The following ANKRD6 variants were observed in gnomAD, a reference collection of about 807,000 sequenced individuals.
ANKRD6 encodes ankyrin repeat domain 6.
Under a neutral mutation model 82.3 loss-of-function variants are expected in ANKRD6, and 56 were observed. That is an observed-to-expected ratio of 0.68 (90% confidence interval 0.55 to 0.85). ANKRD6 has a LOEUF of 0.85. ANKRD6 is among the 40% of genes least tolerant of loss of function. The probability of loss-of-function intolerance (pLI) is 0.00; values close to 1 mark genes in which losing one functional copy is unlikely to be tolerated. For missense variants in ANKRD6, 852 were observed against 907.6 expected, an observed-to-expected ratio of 0.94 and a Z score of 0.79; for synonymous variants, 347 against 352.1, an observed-to-expected ratio of 0.99 and a Z score of 0.16.
intron 2 of ANKRD6, among the ~76,000 whole-genome samples, chr6:89,585,570 G>C (rs573613420): frequency 1.3e-4 from 20 of 152,326 alleles, no homozygotes; most frequent in Admixed American, 5.2e-4. Flanking sequence ...AGTCTAATTA[G>C]CATAGGAAAT....
At chr6:89,539,892 G>A (rs1246789400) in intron 1 of ANKRD6, among the ~76,000 whole-genome samples, 1 of 150,836 alleles carries the variant, frequency 6.6e-6, no homozygotes, top group East Asian at 1.9e-4. Context: ...AAAACCAGAT[G>A]TTTTTGCGAT....
chr6:89,629,398 T>C (rs2128283382), intron 15 of ANKRD6, 160 bp downstream of exon 15: 3 of 950,182 alleles, frequency 3.2e-6, no homozygotes, highest in African/African-American at 1.6e-5. Flanking sequence ...CTCGTAACCA[T>C]ATACTCAGTT....
At chr6:89,552,072 C>T (rs1291293579) in intron 1 of ANKRD6, among the ~76,000 whole-genome samples, 4 of 152,228 alleles carry the variant, frequency 2.6e-5, no homozygotes, top group African/African-American at 9.6e-5. Context: ...GTGGACCAAA[C>T]TTGCTCATGG....
chr6:89,533,177 T>G (rs889814297), intron 1 of ANKRD6, among the ~76,000 whole-genome samples: 2 of 151,988 alleles, frequency 1.3e-5, no homozygotes, highest in Admixed American at 1.3e-4. Flanking sequence ...TCCTGGCCGA[T>G]TTTTTGTATT....
intron 1 of ANKRD6, among the ~76,000 whole-genome samples, chr6:89,436,371 A>G (rs1770638402): frequency 1.3e-5 from 2 of 152,222 alleles, no homozygotes; most frequent in Non-Finnish European, 2.9e-5. Flanking sequence ...AACATGATCT[A>G]CTGTTGAAAC....
intron 13 of ANKRD6, 129 bp from the exon 14 acceptor site, chr6:89,627,454 C>G (rs1806099135): frequency 3.1e-6 from 2 of 644,842 alleles, no homozygotes; most frequent in Non-Finnish European, 5.3e-6. Context: ...CAAATGGAAT[C>G]AGATAAGGGG....
chr6:89,545,274 G>A (rs938693871), intron 1 of ANKRD6, among the ~76,000 whole-genome samples: 1 of 151,986 alleles, frequency 6.6e-6, no homozygotes, highest in Admixed American at 6.6e-5. Context: ...AAGTTCGGGG[G>A]AATTTGGGAG....
intron 1 of ANKRD6, among the ~76,000 whole-genome samples, chr6:89,499,734 A>G (rs1191841730): frequency 2.6e-5 from 4 of 152,152 alleles, no homozygotes; most frequent in Admixed American, 2.6e-4. Context: ...CAAGCCACCC[A>G]GGGCTCTTGA....
At chr6:89,495,869 ATC>A (rs1212386820) in intron 1 of ANKRD6, among the ~76,000 whole-genome samples, 3 of 152,074 alleles carry the variant, frequency 2.0e-5, no homozygotes, top group Non-Finnish European at 2.9e-5. Flanking sequence ...TATAGGTATT[ATC>A]TCTGTTTTTT....
At chr6:89,541,367 G>T (rs528213817) in intron 1 of ANKRD6, among the ~76,000 whole-genome samples, 1 of 131,484 alleles carries the variant, frequency 7.6e-6, no homozygotes, top group Non-Finnish European at 1.7e-5. Context: ...TTATTTCTAG[G>T]TATTTAATTT....
intron 1 of ANKRD6, among the ~76,000 whole-genome samples, chr6:89,502,974 C>T (rs1779429170): frequency 6.6e-6 from 1 of 152,150 alleles, no homozygotes; most frequent in Non-Finnish European, 1.5e-5. Context: ...GTAACCCCTC[C>T]ACCACACCCT....
chr6:89,571,984 T>A (rs57906965), intron 2 of ANKRD6, among the ~76,000 whole-genome samples: 84 of 152,308 alleles, frequency 5.5e-4, no homozygotes, highest in African/African-American at 1.9e-3. Flanking sequence ...GTCTCCATAG[T>A]TTTACCTTTT....
chr6:89,612,845 CA>C (rs1223399990), intron 6 of ANKRD6, among the ~76,000 whole-genome samples: 1 of 152,248 alleles, frequency 6.6e-6, no homozygotes, highest in African/African-American at 2.4e-5. Context: ...GGAAAGGTCA[CA>C]TGGGTATCGC....
At chr6:89,504,789 G>A (rs1456633760) in intron 1 of ANKRD6, among the ~76,000 whole-genome samples, 1 of 152,160 alleles carries the variant, frequency 6.6e-6, no homozygotes, top group Non-Finnish European at 1.5e-5. Flanking sequence ...GAACTTAGAC[G>A]TGCTGGCTTT....
At chr6:89,435,072 C>T (rs1340876747) in intron 1 of ANKRD6, among the ~76,000 whole-genome samples, 2 of 152,178 alleles carry the variant, frequency 1.3e-5, no homozygotes, top group African/African-American at 4.8e-5. Flanking sequence ...TCCCCAAAGC[C>T]TTTCCAGATA....
intron 1 of ANKRD6, among the ~76,000 whole-genome samples, chr6:89,440,143 G>T (rs2127933837): frequency 6.6e-6 from 1 of 152,298 alleles, no homozygotes. Context: ...AAAACAAATG[G>T]AAGTTTATTA....
chr6:89,569,736 A>G (rs1789361309), intron 2 of ANKRD6, among the ~76,000 whole-genome samples: 2 of 152,290 alleles, frequency 1.3e-5, no homozygotes, highest in South Asian at 4.1e-4. Flanking sequence ...CAGCTTCTCT[A>G]CAATCTCACC....
intron 2 of ANKRD6, among the ~76,000 whole-genome samples, chr6:89,592,340 T>G (rs1006735116): frequency 7.2e-5 from 11 of 152,210 alleles, no homozygotes; most frequent in African/African-American, 2.7e-4. Flanking sequence ...TGCTAGATGA[T>G]GGACGTTACC....
chr6:89,555,020 T>A (rs1356959801), intron 1 of ANKRD6, among the ~76,000 whole-genome samples: 2 of 146,440 alleles, frequency 1.4e-5, no homozygotes, highest in Non-Finnish European at 3.0e-5. Context: ...CCTCTCTCTA[T>A]CCTCTCCTCC....
Sources: gnomAD v4.1 joint callset for allele counts (sites outside exome capture counted in the v4.1 genomes callset) on GRCh38, gnomAD v4.1.1 for gene constraint, MANE v1.5 for transcripts, NCBI Gene and HGNC (gene_info 2026-07-23, HGNC 2026-07-21) for gene names.